Variants in SNX20 observed in about 807,000 individuals in gnomAD.
SNX20 encodes the protein sorting nexin 20.
A neutral mutation model predicts 24.5 loss-of-function variants in SNX20; 21 were observed. The ratio of observed to expected loss-of-function variants is 0.86; its 90% CI spans 0.61 to 1.23. The LOEUF (loss-of-function observed/expected upper bound fraction) is 1.23. SNX20 is among the 50% of genes most tolerant of loss of function. The probability of loss-of-function intolerance (pLI) is 0.00; values close to 1 mark genes in which losing one functional copy is unlikely to be tolerated. For synonymous variants in SNX20, 206 were observed against 192.8 expected, an observed-to-expected ratio of 1.07 and a Z score of -0.57; for missense variants, 433 against 430.8, an observed-to-expected ratio of 1.00 and a Z score of -0.04.
intron 2 of SNX20, among the ~76,000 whole-genome samples, chr16:50,676,941 C>T (rs536991306): frequency 1.3e-5 from 2 of 152,356 alleles, no homozygotes; most frequent in African/African-American, 4.8e-5. Context: ...TCTTGGCACC[C>T]ACTTTTCCAG....
chr16:50,667,834 G>A, downstream of SNX20: 1 of 646,282 alleles, frequency 1.5e-6, no homozygotes, highest in Non-Finnish European at 2.7e-6. Context: ...CTAGTGAGGG[G>A]GCCGAGCCTG....
intron 2 of SNX20, 43 bp from the exon 3 acceptor site, chr16:50,675,964 A>G (rs1171769474): frequency 3.9e-6 from 6 of 1,549,604 alleles, no homozygotes; most frequent in Non-Finnish European, 5.2e-6. Context: ...CTGTCAGTGC[A>G]CTTCCGAGGC....
downstream of SNX20, chr16:50,669,366 A>T: frequency 1.9e-6 from 1 of 531,122 alleles, no homozygotes. Context: ...TTCGTGACTT[A>T]CATGGCAAGA....
intron 2 of SNX20, among the ~76,000 whole-genome samples, chr16:50,677,118 G>A (rs1963198962): frequency 6.6e-6 from 1 of 152,168 alleles, no homozygotes; most frequent in African/African-American, 2.4e-5. Context: ...GACCCCCGCT[G>A]GGGTTGAGCT....
intron 1 of SNX20, 68 bp from the exon 2 acceptor site, chr16:50,677,603 C>T: frequency 2.1e-6 from 3 of 1,399,226 alleles, no homozygotes; most frequent in Non-Finnish European, 1.9e-6. Context: ...CCTGGGGTGC[C>T]TAGGAGCTGT....
chr16:50,670,462 C>G (rs982781810), downstream of SNX20: 1 of 152,254 alleles, frequency 6.6e-6, no homozygotes, highest in East Asian at 1.9e-4. Flanking sequence ...GTCAGGTACC[C>G]CCTCACCTCT....
intron 3 of SNX20, among the ~76,000 whole-genome samples, chr16:50,675,207 A>T (rs919508547): frequency 6.6e-6 from 1 of 152,228 alleles, no homozygotes; most frequent in Non-Finnish European, 1.5e-5. Flanking sequence ...CTAAAATTCC[A>T]TTCTAACAGG....
At chr16:50,669,094 C>G (rs565518775), downstream of SNX20, 4 of 1,544,602 alleles carry the variant, frequency 2.6e-6, no homozygotes, top group South Asian at 4.8e-5. Flanking sequence ...GGTGCTGTCC[C>G]TGTCTCGCCA....
At chr16:50,677,273 T>G (rs1963202087) in intron 2 of SNX20, 124 bp downstream of exon 2, 2 of 1,293,832 alleles carry the variant, frequency 1.5e-6, no homozygotes, top group African/African-American at 1.5e-5. Flanking sequence ...AGTGTCTGTT[T>G]TGGGATAACC....
downstream of SNX20, chr16:50,668,820 AG>A: frequency 1.6e-6 from 2 of 1,282,084 alleles, no homozygotes; most frequent in Admixed American, 3.6e-5. Context: ...ACAGAGTTCC[AG>A]CTATGGGGAC....
At chr16:50,668,155 C>G (rs1962959190), downstream of SNX20, 1 of 1,542,950 alleles carries the variant, frequency 6.5e-7, no homozygotes, top group Admixed American at 2.0e-5. Context: ...AACCAGGGAG[C>G]AAAGTCTCCA....
intron 3 of SNX20, 56 bp from the exon 4 acceptor site, chr16:50,674,130 G>A (rs1253263921): frequency 2.6e-6 from 4 of 1,530,614 alleles, no homozygotes; most frequent in African/African-American, 2.8e-5. Context: ...TGCGGCGGAC[G>A]GAGCACACCC....
chr16:50,677,862 A>G (rs959113290), intron 1 of SNX20, among the ~76,000 whole-genome samples: 1 of 152,220 alleles, frequency 6.6e-6, no homozygotes, highest in Non-Finnish European at 1.5e-5. Context: ...CTTGAAAGAA[A>G]GATGCTGGCT....
downstream of SNX20, chr16:50,668,133 T>C: frequency 6.5e-7 from 1 of 1,548,730 alleles, no homozygotes; most frequent in Non-Finnish European, 8.7e-7. Flanking sequence ...ACACTCGAGT[T>C]GGTGACCAGG....
Position 50,673,754 on chromosome 16 carries a change from G to A in SNX20, c.603C>T (p.Tyr201=). ...GCAGCAGCAGCTCCAGGGCGCGCGG[G>A]TACTGGCCGGCCCGCAGGCAGCCGA... ...EAFGCLRAGQ[Y]PRALELLLRV... The change falls in exon 4 of 4, where the codon TAC becomes TAT. Residue 201 remains tyrosine, a synonymous_variant. Transcript: ENST00000330943. This position sits in a 1 kb window ranked among gnomAD's most constrained non-coding sequence, Gnocchi z 4.1. The A allele has an allele frequency of 6.6e-7, 1 of 1,519,052 alleles. No homozygotes were observed. Among genetic ancestry groups the A allele is most frequent in the South Asian group, 1.2e-5 (1 of 80,968 alleles). The allele number at this position is 1,519,052 out of a possible 1,614,324, so 94.1% of individuals were successfully genotyped here.
chr16:50,675,055 A>G (rs760815124), intron 3 of SNX20, among the ~76,000 whole-genome samples: 3 of 152,230 alleles, frequency 2.0e-5, no homozygotes, highest in Non-Finnish European at 4.4e-5. Context: ...TAAATGAGTT[A>G]ATGCACTGAA....
chr16:50,674,464 T>G (rs770434951), intron 3 of SNX20, among the ~76,000 whole-genome samples: 2 of 151,964 alleles, frequency 1.3e-5, no homozygotes, highest in African/African-American at 4.8e-5. Flanking sequence ...CCCAGGCTGG[T>G]CTCCAACTCC....
downstream of SNX20, chr16:50,668,332 T>G: frequency 8.0e-7 from 1 of 1,244,836 alleles, no homozygotes; most frequent in Non-Finnish European, 1.0e-6. Context: ...TCTCTAATGC[T>G]TATTTCTCTG....
In SNX20 at chr16:50,673,395, C is replaced by T; in HGVS notation, c.*11G>A. ...CAAATCTCCAGCGTCCCTGCGGGGT[C>T]CCAGGCCGGCTCAGTGCAGGTATTC... On this transcript the variant is annotated 3_prime_UTR_variant, in exon 4 of 4. Coordinates refer to ENST00000330943, the MANE Select transcript of SNX20 (RefSeq NM_182854.4). The surrounding 1 kb of genome is among the most constrained non-coding windows in gnomAD (Gnocchi z 4.1). 6.7e-7 allele frequency: 1 copy of T among 1,486,568 alleles called. No individual in the cohort carries two copies. 92.1% of individuals were successfully genotyped at this position (1,486,568 alleles called of 1,614,324 possible). A position where few individuals can be genotyped will look rare whatever the true frequency, so the allele number is the denominator to read the frequency against.
Sources: allele counts gnomAD v4.1 joint callset (sites outside exome capture counted in the v4.1 genomes callset), GRCh38; gene constraint gnomAD v4.1.1; non-coding constraint Gnocchi (gnomAD v3.1); transcripts MANE v1.5; gene names NCBI Gene and HGNC (gene_info 2026-07-23, HGNC 2026-07-21).